Variants in SH3BGRL2 observed in about 807,000 individuals in gnomAD.
The protein encoded by SH3BGRL2 is SH3 domain binding glutamate rich protein like 2, also known as SH3 domain-binding glutamic acid-rich-like protein 2.
SH3BGRL2 carries 21 observed loss-of-function variants against 14.8 expected under a neutral mutation model. That is an observed-to-expected ratio of 1.42 (90% CI 1.01 to 2.05). The LOEUF (loss-of-function observed/expected upper bound fraction) is 2.05, where lower values mean the gene tolerates loss of function less well. Ranked by LOEUF, SH3BGRL2 falls within the 30% of genes most tolerant of loss-of-function variation. The probability of loss-of-function intolerance (pLI) is 0.00; values close to 1 mark genes in which losing one functional copy is unlikely to be tolerated. For synonymous variants in SH3BGRL2, 50 were observed against 47.8 expected, an observed-to-expected ratio of 1.05 and a Z score of -0.19; for missense variants, 147 against 130.8, an observed-to-expected ratio of 1.12 and a Z score of -0.61.
the SH3BGRL2 span, among the ~76,000 whole-genome samples, chr6:79,554,249 C>T: frequency 6.6e-6 from 1 of 152,014 alleles, no homozygotes; most frequent in Non-Finnish European, 1.5e-5. Flanking sequence ...AATACCATAT[C>T]ATTATGATGG....
intron 1 of SH3BGRL2, among the ~76,000 whole-genome samples, chr6:79,639,748 G>A (rs1768995430): frequency 6.6e-6 from 1 of 152,094 alleles, no homozygotes; most frequent in Middle Eastern, 3.2e-3. Flanking sequence ...ACCCTTTTAG[G>A]CTTCAGGAGT....
At chr6:79,653,286 A>G (rs1050496923) in intron 1 of SH3BGRL2, among the ~76,000 whole-genome samples, 1 of 152,214 alleles carries the variant, frequency 6.6e-6, no homozygotes, top group Non-Finnish European at 1.5e-5. Context: ...ACCTTAACAT[A>G]AAATTGGGTG....
the SH3BGRL2 span, among the ~76,000 whole-genome samples, chr6:79,577,914 C>T: frequency 6.6e-6 from 1 of 152,238 alleles, no homozygotes; most frequent in Non-Finnish European, 1.5e-5. Context: ...GGCACTCCCA[C>T]CCAAATGCAA....
chr6:79,563,741 C>A, the SH3BGRL2 span, among the ~76,000 whole-genome samples: 1,545 of 151,916 alleles, frequency 0.01, 27 homozygotes, highest in African/African-American at 0.036. Flanking sequence ...CTAGGTGAGA[C>A]CAAAAAAAGA....
the SH3BGRL2 span, among the ~76,000 whole-genome samples, chr6:79,567,959 A>G: frequency 6.6e-6 from 1 of 152,170 alleles, no homozygotes. Flanking sequence ...AAGAGGAAAA[A>G]CCAATGACTA....
chr6:79,543,430 A>T, the SH3BGRL2 span, among the ~76,000 whole-genome samples: 1 of 152,216 alleles, frequency 6.6e-6, no homozygotes, highest in East Asian at 1.9e-4. Context: ...ATAGAAAGTA[A>T]TGGTCCCAGG....
chr6:79,641,624 T>C (rs372570033), intron 1 of SH3BGRL2, among the ~76,000 whole-genome samples: 1 of 152,228 alleles, frequency 6.6e-6, no homozygotes, highest in African/African-American at 2.4e-5. Flanking sequence ...AAAGCTCTTA[T>C]GAGCTTTGAA....
chr6:79,671,699 CG>C (rs1341340629), intron 1 of SH3BGRL2, among the ~76,000 whole-genome samples: 1 of 152,174 alleles, frequency 6.6e-6, no homozygotes, highest in Admixed American at 6.5e-5. Flanking sequence ...TTCCTGTTAC[CG>C]CATGGGAAGC....
chr6:79,638,886 G>C (rs1768978504), intron 1 of SH3BGRL2, among the ~76,000 whole-genome samples: 1 of 151,914 alleles, frequency 6.6e-6, no homozygotes, highest in African/African-American at 2.4e-5. Context: ...CATTCTGTAG[G>C]TTGTCTTTTC....
the SH3BGRL2 span, among the ~76,000 whole-genome samples, chr6:79,576,942 A>G: frequency 6.6e-6 from 1 of 152,140 alleles, no homozygotes; most frequent in Non-Finnish European, 1.5e-5. Context: ...CATGTGTTGC[A>G]TGTCTCAGTG....
intron 2 of SH3BGRL2, among the ~76,000 whole-genome samples, chr6:79,675,229 C>G (rs1204373074): frequency 6.6e-6 from 1 of 152,058 alleles, no homozygotes; most frequent in African/African-American, 2.4e-5. Context: ...TTATTCTAGT[C>G]TTATGGTTTA....
intron 1 of SH3BGRL2, among the ~76,000 whole-genome samples, chr6:79,649,864 C>T (rs1386888919): frequency 1.3e-5 from 2 of 152,040 alleles, no homozygotes; most frequent in African/African-American, 4.8e-5. Context: ...TCTAGTTCCT[C>T]GGGAAGTGTC....
chr6:79,608,171 G>C, the SH3BGRL2 span, among the ~76,000 whole-genome samples: 1 of 152,184 alleles, frequency 6.6e-6, no homozygotes, highest in South Asian at 2.1e-4. Context: ...CAGCAAGGGG[G>C]TAGTCAGCCC....
the SH3BGRL2 span, among the ~76,000 whole-genome samples, chr6:79,588,224 C>A: frequency 1.4e-5 from 2 of 147,670 alleles, no homozygotes; most frequent in Admixed American, 1.4e-4. Context: ...ACCCAGGAGG[C>A]AGAGGTTGCA....
the SH3BGRL2 span, among the ~76,000 whole-genome samples, chr6:79,597,336 A>AAAG: frequency 3.4e-5 from 5 of 149,214 alleles, no homozygotes; most frequent in Non-Finnish European, 7.5e-5. Flanking sequence ...AAAGAAAAGA[A>AAAG]AAAAGAAAAG....
chr6:79,622,910 T>C, the SH3BGRL2 span, among the ~76,000 whole-genome samples: 1 of 152,200 alleles, frequency 6.6e-6, no homozygotes, highest in Non-Finnish European at 1.5e-5. Context: ...AGAATGGTCT[T>C]TTAAAAAGCT....
At chr6:79,550,807 A>G in the SH3BGRL2 span, among the ~76,000 whole-genome samples, 1 of 151,988 alleles carries the variant, frequency 6.6e-6, no homozygotes, top group Non-Finnish European at 1.5e-5. Flanking sequence ...TCTCACTTGT[A>G]TTTCAGTGTC....
At chr6:79,595,515 A>G in the SH3BGRL2 span, among the ~76,000 whole-genome samples, 2 of 152,254 alleles carry the variant, frequency 1.3e-5, no homozygotes, top group Non-Finnish European at 2.9e-5. Flanking sequence ...CTGTGAATGT[A>G]TTTTAAAATG....
the SH3BGRL2 span, among the ~76,000 whole-genome samples, chr6:79,616,282 A>G: frequency 6.6e-6 from 1 of 152,228 alleles, no homozygotes. Flanking sequence ...AAGAACACCC[A>G]CAAGAAGAAA....
Sources: allele counts gnomAD v4.1 joint callset (sites outside exome capture counted in the v4.1 genomes callset), GRCh38; gene constraint gnomAD v4.1.1; transcripts MANE v1.5; gene names NCBI Gene and HGNC (gene_info 2026-07-23, HGNC 2026-07-21).